The following TIAM1 variants were observed in gnomAD, a reference collection of about 807,000 sequenced individuals.
TIAM1 encodes the protein rho guanine nucleotide exchange factor TIAM1.
In TIAM1, 65 loss-of-function variants were observed where a neutral mutation model predicts 163.5. The ratio of observed to expected loss-of-function variants is 0.40; its 90% CI spans 0.33 to 0.49. The LOEUF is 0.49. Ranked by LOEUF, TIAM1 falls within the 20% of genes least tolerant of loss-of-function variation. The pLI, the probability that TIAM1 is intolerant of heterozygous loss-of-function variation, is 0.77. For missense variants in TIAM1, 1,789 were observed against 2,044.7 expected, an observed-to-expected ratio of 0.87 and a Z score of 2.41; for synonymous variants, 833 against 810.1, an observed-to-expected ratio of 1.03 and a Z score of -0.48.
intron 2 of TIAM1, among the ~76,000 whole-genome samples, chr21:31,426,084 C>T (rs888132311): frequency 1.5e-4 from 23 of 151,898 alleles, no homozygotes; most frequent in African/African-American, 5.6e-4. Context: ...TGGATAAGTC[C>T]TTTAGTGGTG....
At chr21:31,543,102 C>T (rs2048370653) in intron 1 of TIAM1, among the ~76,000 whole-genome samples, 2 of 152,138 alleles carry the variant, frequency 1.3e-5, no homozygotes, top group South Asian at 4.1e-4. Context: ...GCTTGCCTAC[C>T]CTGCTTCCCC....
Position 31,145,162 on chromosome 21 carries a change from AT to A in TIAM1, c.3475+1732del, listed in dbSNP as rs1044282075. On this transcript the variant is annotated intron_variant, in intron 20 of 27. Coordinates refer to ENST00000541036, the MANE Select transcript of TIAM1 (RefSeq NM_001353694.2). ...CAGCACACGGGAAAGGTCAGGCAGC[AT>A]GACAAGGAGAATCCCAGGTCCCCTT... 3.9e-5 allele frequency among the ~76,000 whole-genome samples: 6 copies of A among 152,194 alleles called. 1 individual carries two copies. In the East Asian group the frequency reaches 5.8e-4, roughly 15 times the overall value.
chr21:31,177,228 T>A (rs1377105059), intron 15 of TIAM1, among the ~76,000 whole-genome samples: 1 of 152,118 alleles, frequency 6.6e-6, no homozygotes. Flanking sequence ...TGTGGCATTA[T>A]CCCCATTTTG....
intron 11 of TIAM1, among the ~76,000 whole-genome samples, chr21:31,204,861 T>C (rs577810933): frequency 2.0e-5 from 3 of 152,346 alleles, no homozygotes; most frequent in Admixed American, 1.3e-4. Context: ...CAGTGATTCT[T>C]GGGAACCCCA....
chr21:31,224,759 ACC>A, intron 7 of TIAM1, among the ~76,000 whole-genome samples: 1 of 152,180 alleles, frequency 6.6e-6, no homozygotes, highest in East Asian at 1.9e-4. Flanking sequence ...ACAAAGGGAA[ACC>A]CCAGAGGGAG....
At chr21:31,298,767 T>TGTGTGTGTGTGAGA (rs777256501) in intron 2 of TIAM1, among the ~76,000 whole-genome samples, 1 of 125,954 alleles carries the variant, frequency 7.9e-6, no homozygotes, top group African/African-American at 3.6e-5. Context: ...TGTGTGTGTG[T>TGTGTGTGTGTGAGA]GAGAAACAGA....
At chr21:31,552,485 A>G (rs1477344794) in intron 1 of TIAM1, among the ~76,000 whole-genome samples, 1 of 152,174 alleles carries the variant, frequency 6.6e-6, no homozygotes, top group Non-Finnish European at 1.5e-5. Context: ...CCTTAACAAG[A>G]AACCTCCGCC....
chr21:31,160,475 G>C (rs1274250553), intron 16 of TIAM1: 4 of 398,512 alleles, frequency 1.0e-5, no homozygotes, highest in Non-Finnish European at 8.8e-6. Context: ...TAGAGTCACC[G>C]GACTTGTCAT....
chr21:31,345,572 G>A (rs1423107914), upstream of TIAM1, among the ~76,000 whole-genome samples: 1 of 151,816 alleles, frequency 6.6e-6, no homozygotes. Flanking sequence ...AATATAGGCT[G>A]GTATAAAGGC....
intron 2 of TIAM1, among the ~76,000 whole-genome samples, chr21:31,424,122 A>G (rs1308751380): frequency 1.3e-5 from 2 of 152,238 alleles, no homozygotes; most frequent in Non-Finnish European, 2.9e-5. Flanking sequence ...AATTGGGAGA[A>G]ACCATGGAAA....
At chr21:31,144,929 T>C (rs575515675) in intron 20 of TIAM1, among the ~76,000 whole-genome samples, 27 of 152,172 alleles carry the variant, frequency 1.8e-4, no homozygotes, top group Admixed American at 2.6e-4. Context: ...ATTTTTCTTA[T>C]TGAATTAAGA....
chr21:31,291,639 C>T (rs1260379821), intron 2 of TIAM1, among the ~76,000 whole-genome samples: 1 of 152,256 alleles, frequency 6.6e-6, no homozygotes, highest in Non-Finnish European at 1.5e-5. Context: ...TCTCCTGCCT[C>T]AGCCTCCTGA....
At chr21:31,219,460 T>C (rs1475816888) in intron 8 of TIAM1, among the ~76,000 whole-genome samples, 3 of 152,180 alleles carry the variant, frequency 2.0e-5, no homozygotes, top group African/African-American at 4.8e-5. Context: ...TTGGCAGCAA[T>C]GCAGGGGATG....
Position 31,266,979 on chromosome 21 carries a change from A to G in TIAM1, c.-7T>C. The G allele has an allele frequency of 6.3e-7, 1 of 1,593,840 alleles. No individual in the cohort carries two copies. The highest frequency in any genetic ancestry group is 8.6e-7 in the Non-Finnish European group (1 of 1,167,404). ...GACTTTCTGCGTTTCCCATGGTTTTATGGTCTGCAGCAAAGCGGGGGGAAA... is the reference window on the plus strand; with the variant it reads ...GACTTTCTGCGTTTCCCATGGTTTTGTGGTCTGCAGCAAAGCGGGGGGAAA... On this transcript the variant is annotated 5_prime_UTR_variant, in exon 4 of 28. Transcript: ENST00000541036.
chr21:31,469,079 CTTTTTT>C (rs765505214), intron 1 of TIAM1, among the ~76,000 whole-genome samples: 3 of 110,918 alleles, frequency 2.7e-5, no homozygotes, highest in African/African-American at 3.5e-5. Flanking sequence ...GAACCAATCC[CTTTTTT>C]TTTTTTTTTT....
chr21:31,204,408 A>G (rs1249413463), intron 11 of TIAM1, among the ~76,000 whole-genome samples: 1 of 152,226 alleles, frequency 6.6e-6, no homozygotes, highest in Non-Finnish European at 1.5e-5. Flanking sequence ...GACATTTTTC[A>G]CAAAATAAAT....
At position 31,193,892 on chromosome 21, in the gene TIAM1, G is replaced by C. The variant is rs115333354; in HGVS notation, c.2575+1332C>G. On this transcript the variant is annotated intron_variant, in intron 13 of 27. Coordinates refer to ENST00000541036, the MANE Select transcript of TIAM1 (RefSeq NM_001353694.2). The stretch of plus-strand genomic sequence containing the variant: ...TCAGCCATGCGTACAGTAAGAAGCA[G>C]TGAACATGGCCCCCGCCAGGCAAAG... Among the ~76,000 whole-genome samples, 694 of 152,276 alleles carry C rather than the reference G, an allele frequency of 4.6e-3. 6 individuals carry two copies. The highest frequency in any genetic ancestry group is 0.015 in the African/African-American group (643 of 41,560).
intron 2 of TIAM1, among the ~76,000 whole-genome samples, chr21:31,331,289 A>G (rs2075670971): frequency 6.6e-6 from 1 of 152,224 alleles, no homozygotes; most frequent in African/African-American, 2.4e-5. Context: ...ATATATAATT[A>G]TTAAACTGAA....
At chr21:31,343,096 G>A (rs1219288152) in intron 1 of TIAM1, among the ~76,000 whole-genome samples, 3 of 152,154 alleles carry the variant, frequency 2.0e-5, no homozygotes, top group Non-Finnish European at 2.9e-5. Context: ...TCCCCTCAAA[G>A]TAAGATGATT....
Sources: allele counts gnomAD v4.1 joint callset (sites outside exome capture counted in the v4.1 genomes callset), GRCh38; gene constraint gnomAD v4.1.1; transcripts MANE v1.5; gene names NCBI Gene and HGNC (gene_info 2026-07-23, HGNC 2026-07-21).